The following RAB28 variants were observed in gnomAD, a reference collection of about 807,000 sequenced individuals.
RAB28 encodes the protein RAB28, member RAS oncogene family.
Under a neutral mutation model 31.7 loss-of-function variants are expected in RAB28, and 24 were observed. The observed-to-expected ratio is 0.76, with a 90% CI of 0.55 to 1.06. RAB28 has a LOEUF of 1.06. Among genes scored for constraint, RAB28 ranks in the 50% least tolerant of loss-of-function variants. The pLI is 0.00. For synonymous variants in RAB28, 100 were observed against 90.4 expected (o/e 1.11, Z -0.60); for missense variants, 254 against 258.5 (o/e 0.98, Z 0.12).
At chr4:13,389,603 T>C (rs967372589) in intron 4 of RAB28, among the ~76,000 whole-genome samples, 6 of 152,160 alleles carry the variant, frequency 3.9e-5, no homozygotes, top group East Asian at 1.9e-4. Flanking sequence ...CCCTCAACAA[T>C]TGTCAAGTCA....
intron 4 of RAB28, among the ~76,000 whole-genome samples, chr4:13,419,930 A>T (rs1284298814): frequency 1.3e-5 from 2 of 151,966 alleles, no homozygotes; most frequent in African/African-American, 4.8e-5. Flanking sequence ...ATAGAGACAC[A>T]AAAAACCCTT....
intron 4 of RAB28, among the ~76,000 whole-genome samples, chr4:13,451,212 A>T (rs1311095233): frequency 1.3e-5 from 2 of 151,858 alleles, no homozygotes; most frequent in African/African-American, 4.8e-5. Flanking sequence ...TGTATTTTTT[A>T]TAATAGCCAT....
chr4:13,394,412 C>T (rs1729782393), intron 4 of RAB28, among the ~76,000 whole-genome samples: 1 of 152,170 alleles, frequency 6.6e-6, no homozygotes, highest in South Asian at 2.1e-4. Context: ...CTATGAGAAT[C>T]TAATGCTGCT....
chr4:13,427,663 T>C (rs1229561332), intron 4 of RAB28, among the ~76,000 whole-genome samples: 1 of 152,142 alleles, frequency 6.6e-6, no homozygotes, highest in Non-Finnish European at 1.5e-5. Flanking sequence ...CACGTGAATA[T>C]GGCAGAACTC....
intron 3 of RAB28, among the ~76,000 whole-genome samples, chr4:13,468,155 T>C (rs1715951975): frequency 6.6e-6 from 1 of 151,834 alleles, no homozygotes; most frequent in Admixed American, 6.6e-5. Flanking sequence ...AATCTGCAGA[T>C]CCCCCTAGAG....
At chr4:13,371,287 G>C in intron 6 of RAB28, 8 of 985,222 alleles carry the variant, frequency 8.1e-6, no homozygotes, top group Non-Finnish European at 9.6e-6. Context: ...TGCCAAATGA[G>C]GTATGAATCG....
intron 4 of RAB28, among the ~76,000 whole-genome samples, chr4:13,418,837 G>A (rs1418098830): frequency 6.6e-6 from 1 of 152,120 alleles, no homozygotes; most frequent in Non-Finnish European, 1.5e-5. Flanking sequence ...GGAAGAAACT[G>A]CATCAACTAA....
chr4:13,395,156 CAAT>C (rs995812473), intron 4 of RAB28, among the ~76,000 whole-genome samples: 1 of 152,058 alleles, frequency 6.6e-6, no homozygotes, highest in Non-Finnish European at 1.5e-5. Context: ...TTAATTAAAA[CAAT>C]AAAGACAAAC....
At chr4:13,380,265 G>A (rs1325599169) in intron 5 of RAB28, among the ~76,000 whole-genome samples, 1 of 151,976 alleles carries the variant, frequency 6.6e-6, no homozygotes, top group Non-Finnish European at 1.5e-5. Context: ...ATTTATTTTA[G>A]GTGTAAAACT....
intron 4 of RAB28, among the ~76,000 whole-genome samples, chr4:13,446,731 G>A (rs1442642895): frequency 2.0e-5 from 3 of 152,046 alleles, no homozygotes; most frequent in Non-Finnish European, 2.9e-5. Context: ...TTGGAAATGC[G>A]GAAATCACCC....
intron 4 of RAB28, among the ~76,000 whole-genome samples, chr4:13,448,592 A>C (rs1010951379): frequency 6.6e-6 from 1 of 152,078 alleles, no homozygotes; most frequent in Admixed American, 6.5e-5. Flanking sequence ...CAGATGAAAA[A>C]CAGTTTTTGA....
At chr4:13,409,445 T>A (rs1000727262) in intron 4 of RAB28, among the ~76,000 whole-genome samples, 3 of 152,192 alleles carry the variant, frequency 2.0e-5, no homozygotes, top group Non-Finnish European at 4.4e-5. Flanking sequence ...CACACCTGGC[T>A]CTCACCAACT....
At chr4:13,368,968 A>C (rs10001828) in intron 6 of RAB28, among the ~76,000 whole-genome samples, 5,779 of 152,244 alleles carry the variant, frequency 0.038, 186 homozygotes, top group African/African-American at 0.087. Flanking sequence ...GAGCAAAATA[A>C]ATAAATCATT....
chr4:13,428,944 CTTTT>C (rs35547595), intron 4 of RAB28, among the ~76,000 whole-genome samples: 2 of 133,534 alleles, frequency 1.5e-5, no homozygotes. Context: ...TCTAATTTCA[CTTTT>C]TTTTTTTTTT....
chr4:13,473,843 T>A (rs531598522), intron 3 of RAB28: 36 of 375,712 alleles, frequency 9.6e-5, no homozygotes, highest in South Asian at 7.0e-4. Flanking sequence ...TATTTAGTTA[T>A]CTGATAGAAA....
In RAB28 at chr4:13,368,565, A is replaced by G; in HGVS notation, c.659T>C (p.Val220Ala). ...VNPPRSSMCA[V>A]Q ...CACAAAAGAAAAATGCGCTCACTGA[A>G]CTGCACACATAGAGCTTCTAGGAGG... The change falls in exon 7 of 7, where the codon GTT becomes GCT. Residue 220 changes from valine to alanine, a missense_variant. Physicochemically the swap from Val to Ala is moderately conservative, Grantham distance 64. Transcript: ENST00000330852. The G allele has an allele frequency of 6.2e-7, 1 of 1,610,480 alleles. No individual in the cohort carries two copies. Among genetic ancestry groups the G allele is most frequent in the Non-Finnish European group, 8.5e-7 (1 of 1,178,254 alleles).
intron 6 of RAB28, among the ~76,000 whole-genome samples, chr4:13,374,815 G>C (rs978260613): frequency 3.3e-5 from 5 of 151,976 alleles, no homozygotes; most frequent in African/African-American, 1.2e-4. Context: ...TATCCCATTA[G>C]ATTAATTCTA....
intron 6 of RAB28, among the ~76,000 whole-genome samples, chr4:13,373,888 G>T (rs1326371136): frequency 6.6e-6 from 1 of 151,864 alleles, no homozygotes; most frequent in East Asian, 1.9e-4. Flanking sequence ...AATCCCCCCA[G>T]TAATCTTTCA....
At chr4:13,459,553 A>C (rs555751295) in intron 4 of RAB28, among the ~76,000 whole-genome samples, 3 of 152,244 alleles carry the variant, frequency 2.0e-5, no homozygotes, top group Admixed American at 6.5e-5. Context: ...AGGAACCAAA[A>C]ACCAGTCATG....
Sources: gnomAD v4.1 joint callset for allele counts (sites outside exome capture counted in the v4.1 genomes callset) on GRCh38, gnomAD v4.1.1 for gene constraint, MANE v1.5 for transcripts, NCBI Gene and HGNC (gene_info 2026-07-23, HGNC 2026-07-21) for gene names.